Variants in FBXO42 observed in about 807,000 individuals in gnomAD.
The protein encoded by FBXO42 is F-box protein 42, also known as F-box only protein 42.
Under a neutral mutation model 71.7 loss-of-function variants are expected in FBXO42, and 12 were observed. That is an observed-to-expected ratio of 0.17 (90% CI 0.11 to 0.27). The LOEUF is 0.27. FBXO42 is among the 10% of genes least tolerant of loss of function. The probability of loss-of-function intolerance (pLI) is 1.00; values close to 1 mark genes in which losing one functional copy is unlikely to be tolerated. For missense variants in FBXO42, 707 were observed against 911.9 expected (o/e 0.78, Z 2.89); for synonymous variants, 325 against 327.5 (o/e 0.99, Z 0.08).
chr1:16,297,973 C>T (rs1444089813), intron 3 of FBXO42, among the ~76,000 whole-genome samples: 4 of 151,806 alleles, frequency 2.6e-5, no homozygotes, highest in African/African-American at 9.7e-5. Flanking sequence ...TGCCTGTAAT[C>T]CCAGCACTTT....
intron 3 of FBXO42, among the ~76,000 whole-genome samples, chr1:16,304,311 G>T (rs550594179): frequency 6.1e-4 from 92 of 150,726 alleles, no homozygotes; most frequent in African/African-American, 2.2e-3. Flanking sequence ...AGTGGACAGG[G>T]TTTCACCATG....
At position 16,311,503 on chromosome 1, in the gene FBXO42, AATAT is replaced by A. The variant is rs1553153697; in HGVS notation, c.250+3662_250+3665del. On this transcript the variant is annotated intron_variant, in intron 2 of 9. Coordinates refer to ENST00000375592, the MANE Select transcript of FBXO42 (RefSeq NM_018994.3). ...ATCTTGTCTCAAAAAAAAAAAAAAA[AATAT>A]ATATATATATATATATATATACATA... Among the ~76,000 whole-genome samples, 24 of 65,542 alleles carry A rather than the reference AATAT, an allele frequency of 3.7e-4. 1 individual carries two copies. Among genetic ancestry groups the A allele is most frequent in the African/African-American group, 5.8e-4 (10 of 17,292 alleles). The allele number at this position is 65,542 out of a possible 152,430, so 43.0% of individuals were successfully genotyped here.
Position 16,276,367 on chromosome 1 carries a change from G to A in FBXO42, c.502+18416C>T, listed in dbSNP as rs553710977. Among the ~76,000 whole-genome samples, 11 of 139,556 alleles carry A rather than the reference G, an allele frequency of 7.9e-5. No homozygotes were observed. The East Asian group carries it at 1.9e-3, about 24-fold the overall frequency. 91.6% of individuals were successfully genotyped at this position (139,556 alleles called of 152,430 possible). A position where few individuals can be genotyped will look rare whatever the true frequency, so the allele number is the denominator to read the frequency against. ...TGCACACCAGCCCGGGCGACAGACC[G>A]ACACTCTGTCTCAAAAAAAAAAAAA... On this transcript the variant is annotated intron_variant, in intron 4 of 9. Coordinates refer to ENST00000375592, the MANE Select transcript of FBXO42 (RefSeq NM_018994.3).
intron 1 of FBXO42, among the ~76,000 whole-genome samples, chr1:16,335,365 T>A (rs763840092): frequency 1.4e-4 from 21 of 152,108 alleles, no homozygotes; most frequent in Non-Finnish European, 1.9e-4. Flanking sequence ...CTCAAACTCC[T>A]GGGTTCAAGT....
intron 1 of FBXO42, among the ~76,000 whole-genome samples, chr1:16,349,692 C>T (rs1441590596): frequency 2.0e-5 from 3 of 152,134 alleles, no homozygotes; most frequent in Non-Finnish European, 4.4e-5. Flanking sequence ...GAAACCTTGT[C>T]TCTACTAAAA....
At chr1:16,274,395 T>C (rs542390671) in intron 4 of FBXO42, among the ~76,000 whole-genome samples, 1 of 151,644 alleles carries the variant, frequency 6.6e-6, no homozygotes, top group Non-Finnish European at 1.5e-5. Context: ...CTGACCTCTA[T>C]GGGGGTTGTA....
At position 16,352,461 on chromosome 1, in the gene FBXO42, G is replaced by A. The variant is rs1161103639; in HGVS notation, c.-224C>T. The A allele has an allele frequency of 1.0e-5, 4 of 397,890 alleles. No individual in the cohort carries two copies. Among genetic ancestry groups the A allele is most frequent in the Non-Finnish European group, 1.3e-5 (3 of 225,768 alleles). The allele number at this position is 397,890 out of a possible 1,614,324, so 24.6% of individuals were successfully genotyped here. ...CGCCGCCGCAGCTGCTGCTGCTCAG[G>A]CCGGGAGAAGACAGCGCAGAGCGCG... On this transcript the variant is annotated 5_prime_UTR_variant, in exon 1 of 10. Coordinates refer to ENST00000375592, the MANE Select transcript of FBXO42 (RefSeq NM_018994.3).
intron 1 of FBXO42, among the ~76,000 whole-genome samples, chr1:16,334,953 G>A (rs574197845): frequency 6.7e-6 from 1 of 150,224 alleles, no homozygotes; most frequent in South Asian, 2.1e-4. Context: ...ATGGCCACGC[G>A]CAGTGGTTCA....
chr1:16,294,943 G>T, intron 3 of FBXO42, 26 bp from the exon 4 acceptor site: 1 of 1,561,798 alleles, frequency 6.4e-7, no homozygotes, highest in East Asian at 2.3e-5. Context: ...ACAAATAACT[G>T]CTGTGAAAAT....
chr1:16,267,076 TATAAAGTCTGTCTTGACC>T (rs2081784507), intron 4 of FBXO42, among the ~76,000 whole-genome samples: 1 of 152,136 alleles, frequency 6.6e-6, no homozygotes, highest in South Asian at 2.1e-4. Context: ...AATTCATGAG[TATAAAGTCTGTCTTGACC>T]ATAAACACCT....
At chr1:16,313,275 A>T (rs1485124436) in intron 2 of FBXO42, among the ~76,000 whole-genome samples, 3 of 16,112 alleles carry the variant, frequency 1.9e-4, no homozygotes, top group African/African-American at 3.8e-4. Context: ...AATAAAAAAA[A>T]AAGAAAGAAA....
chr1:16,281,818 A>G (rs902684946), intron 4 of FBXO42, among the ~76,000 whole-genome samples: 1 of 151,314 alleles, frequency 6.6e-6, no homozygotes, highest in Admixed American at 6.6e-5. Context: ...CACCACATTC[A>G]GCTGATTTTT....
intron 6 of FBXO42, 86 bp from the exon 7 acceptor site, chr1:16,253,817 C>G: frequency 1.6e-6 from 2 of 1,217,832 alleles, no homozygotes; most frequent in South Asian, 2.5e-5. Context: ...TGCCTGTGGC[C>G]CATCTGGCAA....
chr1:16,302,162 C>T (rs1030960904), intron 3 of FBXO42, among the ~76,000 whole-genome samples: 4 of 152,046 alleles, frequency 2.6e-5, no homozygotes, highest in Non-Finnish European at 5.9e-5. Context: ...ATATCTACGG[C>T]GAGGAATCTG....
intron 1 of FBXO42, among the ~76,000 whole-genome samples, chr1:16,332,990 A>C (rs1347689886): frequency 5.9e-5 from 9 of 152,052 alleles, no homozygotes; most frequent in Admixed American, 5.9e-4. Flanking sequence ...AAATACCTTA[A>C]ACTCCTTTCT....
At chr1:16,300,118 T>C (rs1456876535) in intron 3 of FBXO42, among the ~76,000 whole-genome samples, 1 of 152,140 alleles carries the variant, frequency 6.6e-6, no homozygotes, top group Non-Finnish European at 1.5e-5. Flanking sequence ...CAGTAGTAAT[T>C]TCCCTTTTCA....
At chr1:16,307,719 T>A (rs558390567) in intron 2 of FBXO42, among the ~76,000 whole-genome samples, 1 of 152,228 alleles carries the variant, frequency 6.6e-6, no homozygotes, top group South Asian at 2.1e-4. Context: ...ATGAAATACT[T>A]AGATATAACA....
chr1:16,256,782 T>C (rs972473378), intron 4 of FBXO42, 23 bp from the exon 5 acceptor site: 12 of 1,612,404 alleles, frequency 7.4e-6, no homozygotes, highest in Non-Finnish European at 9.3e-6. Context: ...AGTAACACCA[T>C]GGTTAGCATT....
At chr1:16,329,162 C>CAAA (rs1221377687) in intron 1 of FBXO42, among the ~76,000 whole-genome samples, 4 of 60,404 alleles carry the variant, frequency 6.6e-5, no homozygotes, top group African/African-American at 1.2e-4. Flanking sequence ...GACTCTGTCT[C>CAAA]AAAAAAAAAA....
Sources: allele counts gnomAD v4.1 joint callset (sites outside exome capture counted in the v4.1 genomes callset), GRCh38; gene constraint gnomAD v4.1.1; transcripts MANE v1.5; gene names NCBI Gene and HGNC (gene_info 2026-07-23, HGNC 2026-07-21).